The following GALK2 variants were observed in gnomAD, a reference collection of about 807,000 sequenced individuals.
GALK2 encodes the protein galactokinase 2, also known as N-acetylgalactosamine kinase.
A neutral mutation model predicts 52.4 loss-of-function variants in GALK2; 36 were observed. The ratio of observed to expected loss-of-function variants is 0.69; its 90% CI spans 0.53 to 0.91. The LOEUF (loss-of-function observed/expected upper bound fraction) is 0.91, where lower values mean the gene tolerates loss of function less well. GALK2 is among the 40% of genes least tolerant of loss of function. The pLI is 0.00. For missense variants in GALK2, 579 were observed against 559.1 expected, an observed-to-expected ratio of 1.04 and a Z score of -0.36; for synonymous variants, 176 against 199.1, an observed-to-expected ratio of 0.88 and a Z score of 0.98.
Position 49,328,076 on chromosome 15 carries a change from A to T in GALK2, c.1294A>T (p.Ser432Cys). ...ANVHKAYYQR[S>C]DGSLAPEKQS... ...TGTGCACAAAGCTTATTACCAGAGG[A>T]GTGATGGAAGCTTAGCACCGGAGAA... Residue 432 changes from serine (S) to cysteine (C), a missense_variant, in exon 10 of 10, where the codon AGT (serine) becomes TGT (cysteine). Physicochemically the swap from Ser to Cys is moderately radical, Grantham distance 112 (BLOSUM62 -1). Transcript: ENST00000560031. 6.2e-7 allele frequency: 1 copy of T among 1,614,104 alleles called. No individual in the cohort carries two copies.
At chr15:49,242,345 A>G (rs1292433517) in intron 5 of GALK2, among the ~76,000 whole-genome samples, 3 of 152,176 alleles carry the variant, frequency 2.0e-5, no homozygotes, top group Non-Finnish European at 4.4e-5. Flanking sequence ...AGCTGTGGAT[A>G]TAGAGTAATG....
intron 8 of GALK2, among the ~76,000 whole-genome samples, chr15:49,299,326 TC>T (rs2034760795): frequency 6.6e-6 from 1 of 152,162 alleles, no homozygotes; most frequent in Non-Finnish European, 1.5e-5. Context: ...ATTTATTCAT[TC>T]AAAGAACTAG....
intron 3 of GALK2, chr15:49,365,741 T>G: frequency 2.3e-6 from 2 of 877,738 alleles, no homozygotes; most frequent in Non-Finnish European, 3.9e-6. Flanking sequence ...TCTTGTAAAA[T>G]CCAAGCCCAC....
intron 1 of GALK2, among the ~76,000 whole-genome samples, chr15:49,178,167 CAAAAAAAAAAAA>C (rs376324541): frequency 0.57 from 38,027 of 67,030 alleles, 8,945 homozygotes; most frequent in South Asian, 0.59. Context: ...GACTCTGTTT[CAAAAAAAAAAAA>C]AAAAAAAAAG....
At chr15:49,184,477 A>T (rs1050211620) in intron 1 of GALK2, among the ~76,000 whole-genome samples, 2 of 152,060 alleles carry the variant, frequency 1.3e-5, no homozygotes, top group African/African-American at 4.8e-5. Context: ...TTTACGTTCA[A>T]TGTTATTGTT....
At chr15:49,366,816 C>T in intron 3 of GALK2, 1 of 549,928 alleles carries the variant, frequency 1.8e-6, no homozygotes, top group Non-Finnish European at 3.2e-6. Context: ...CTGCAGGGGC[C>T]GCCACTGCAG....
At chr15:49,338,976 G>A (rs965251700) in intron 3 of GALK2, among the ~76,000 whole-genome samples, 9 of 151,992 alleles carry the variant, frequency 5.9e-5, no homozygotes, top group Non-Finnish European at 4.4e-5. Context: ...TTTCAGCTCC[G>A]TCAGGTCACT....
chr15:49,245,941 T>C (rs1254245627), intron 5 of GALK2, among the ~76,000 whole-genome samples: 2 of 152,214 alleles, frequency 1.3e-5, no homozygotes, highest in Admixed American at 1.3e-4. Context: ...TACCGGTATG[T>C]CTTCTGTATT....
At chr15:49,360,240 G>GA (rs34095368) in intron 3 of GALK2, among the ~76,000 whole-genome samples, 60,886 of 147,286 alleles carry the variant, frequency 0.41, 12,523 homozygotes, top group African/African-American at 0.44. Flanking sequence ...ATAGTATAAG[G>GA]AAAAAAAAAA....
chr15:49,179,492 T>C (rs1280375963), intron 1 of GALK2, among the ~76,000 whole-genome samples: 1 of 152,136 alleles, frequency 6.6e-6, no homozygotes, highest in Non-Finnish European at 1.5e-5. Flanking sequence ...TGAAAATACA[T>C]GTCATAGCTC....
At chr15:49,243,855 G>A (rs1005583801) in intron 5 of GALK2, among the ~76,000 whole-genome samples, 1 of 151,976 alleles carries the variant, frequency 6.6e-6, no homozygotes, top group African/African-American at 2.4e-5. Flanking sequence ...GGGCATGGTG[G>A]CTCATGCCTG....
intron 1 of GALK2, among the ~76,000 whole-genome samples, chr15:49,176,508 A>AT (rs1286797498): frequency 2.0e-5 from 3 of 152,154 alleles, no homozygotes; most frequent in African/African-American, 7.2e-5. Context: ...GATTTAAAAA[A>AT]TTTTATATTT....
chr15:49,238,207 A>G (rs2090927545), intron 4 of GALK2, among the ~76,000 whole-genome samples: 1 of 152,204 alleles, frequency 6.6e-6, no homozygotes, highest in Non-Finnish European at 1.5e-5. Context: ...ATTTGCAAAG[A>G]CTATGGTACT....
intron 8 of GALK2, among the ~76,000 whole-genome samples, chr15:49,299,717 T>G (rs150102572): frequency 0.022 from 761 of 34,336 alleles, 3 homozygotes; most frequent in Admixed American, 0.033. Flanking sequence ...TTGCTTTCTT[T>G]CTTTCTTTCT....
chr15:49,273,413 T>C (rs2141702562), intron 5 of GALK2, among the ~76,000 whole-genome samples: 2 of 152,320 alleles, frequency 1.3e-5, no homozygotes, highest in South Asian at 4.1e-4. Context: ...TGTGCCCAGT[T>C]TGGGAATTGG....
At chr15:49,201,051 G>A in intron 1 of GALK2, 111 bp from the exon 2 acceptor site, 1 of 442,336 alleles carries the variant, frequency 2.3e-6, no homozygotes, top group Admixed American at 4.4e-5. Context: ...GCAGGCATAT[G>A]GAGTGTGTGT....
chr15:49,355,698 T>C (rs1179164106), intron 3 of GALK2, among the ~76,000 whole-genome samples: 20 of 151,186 alleles, frequency 1.3e-4, no homozygotes, highest in African/African-American at 3.9e-4. Flanking sequence ...TTCCCCAATC[T>C]AGCAAGGCAG....
chr15:49,366,648 C>A, intron 3 of GALK2: 1 of 1,568,064 alleles, frequency 6.4e-7, no homozygotes, highest in Non-Finnish European at 8.7e-7. Context: ...CAGAGCAGGG[C>A]GGCCGTGGCA....
intron 8 of GALK2, among the ~76,000 whole-genome samples, chr15:49,311,675 A>G (rs899985075): frequency 1.3e-5 from 2 of 152,174 alleles, no homozygotes; most frequent in African/African-American, 2.4e-5. Flanking sequence ...CCTCTTGGAT[A>G]TATCCGTATT....
Sources: gnomAD v4.1 joint callset for allele counts (sites outside exome capture counted in the v4.1 genomes callset) on GRCh38, gnomAD v4.1.1 for gene constraint, MANE v1.5 for transcripts, NCBI Gene and HGNC (gene_info 2026-07-23, HGNC 2026-07-21) for gene names.